AMZ1: variants seen among roughly 807,000 people sequenced by gnomAD.
The protein encoded by AMZ1 is archaemetzincin-1.
Under a neutral mutation model 29.9 loss-of-function variants are expected in AMZ1, and 39 were observed. The ratio of observed to expected loss-of-function variants is 1.30; its 90% CI spans 1.01 to 1.70. The LOEUF is 1.70. AMZ1 is among the 40% of genes most tolerant of loss of function. AMZ1 has a pLI of 0.00. For missense variants in AMZ1, 1,041 were observed against 680.6 expected (o/e 1.53, Z -5.89); for synonymous variants, 458 against 304.0 (o/e 1.51, Z -5.27).
At chr7:2,721,498 C>T (rs190600069), downstream of AMZ1, among the ~76,000 whole-genome samples, 32 of 152,164 alleles carry the variant, frequency 2.1e-4, no homozygotes, top group Non-Finnish European at 2.1e-4. Context: ...GGGTGGATCA[C>T]GAGGTCAGGA....
At position 2,717,253 on chromosome 7, in the gene AMZ1, A is replaced by C. The variant is rs1339667643; in HGVS notation, c.*4375A>C. On this transcript the variant is annotated 3_prime_UTR_variant, in exon 7 of 7. Coordinates refer to ENST00000683327, the MANE Select transcript of AMZ1 (RefSeq NM_001384743.1). The stretch of plus-strand genomic sequence containing the variant: ...TTTATAAAAGGAGGGCGAGGCCTGC[A>C]CAGGAATATTTTTATCCCCGTGAAG... Among the ~76,000 whole-genome samples, 1 of 152,272 alleles carries C rather than the reference A, an allele frequency of 6.6e-6. No individual in the cohort carries two copies. The highest frequency in any genetic ancestry group is 2.4e-5 in the African/African-American group (1 of 41,478).
At chr7:2,762,479 G>A, upstream of AMZ1, 1 of 693,998 alleles carries the variant, frequency 1.4e-6, no homozygotes, top group Non-Finnish European at 2.3e-6. Flanking sequence ...ACCCACCCGT[G>A]TGCGGGGCCT....
At chr7:2,721,959 G>C (rs1039201272), downstream of AMZ1, among the ~76,000 whole-genome samples, 7 of 152,202 alleles carry the variant, frequency 4.6e-5, no homozygotes, top group African/African-American at 1.7e-4. Context: ...ACCAAGTCCG[G>C]TCACGGCATG....
At chr7:2,701,285 G>A (rs1788038796) in intron 2 of AMZ1, among the ~76,000 whole-genome samples, 1 of 152,244 alleles carries the variant, frequency 6.6e-6, no homozygotes, top group Admixed American at 6.5e-5. Flanking sequence ...AGCCCATTTC[G>A]CCGGCAAGGA....
intron 6 of AMZ1, among the ~76,000 whole-genome samples, chr7:2,711,502 A>G (rs1316787584): frequency 2.0e-5 from 3 of 152,232 alleles, no homozygotes; most frequent in Admixed American, 6.5e-5. Flanking sequence ...CCCTGTACAG[A>G]TGCAGGAGAG....
chr7:2,694,884 G>A (rs1174410692), intron 1 of AMZ1, among the ~76,000 whole-genome samples: 14 of 152,116 alleles, frequency 9.2e-5, no homozygotes, highest in Non-Finnish European at 1.8e-4. Flanking sequence ...TGTTGGCCAG[G>A]CTGGTCTCGA....
At chr7:2,722,193 TACC>T (rs1329499102), downstream of AMZ1, among the ~76,000 whole-genome samples, 4 of 152,228 alleles carry the variant, frequency 2.6e-5, no homozygotes, top group East Asian at 7.7e-4. Context: ...GTGCCAAGCT[TACC>T]ACACTGAATT....
downstream of AMZ1, among the ~76,000 whole-genome samples, chr7:2,720,102 C>T (rs565424732): frequency 6.6e-6 from 1 of 152,202 alleles, no homozygotes; most frequent in Non-Finnish European, 1.5e-5. Context: ...GGCAAGGAGC[C>T]GACGGGAACC....
intron 4 of AMZ1, among the ~76,000 whole-genome samples, chr7:2,738,468 C>T (rs80309273): frequency 0.022 from 3,273 of 152,212 alleles, 145 homozygotes; most frequent in African/African-American, 0.075. Context: ...GTTTCCGATA[C>T]CCACTGCCAA....
At chr7:2,758,431 T>C (rs556594233) in intron 4 of AMZ1, among the ~76,000 whole-genome samples, 1 of 152,308 alleles carries the variant, frequency 6.6e-6, no homozygotes, top group South Asian at 2.1e-4. Flanking sequence ...GTTTCATGTG[T>C]TCTGTGCTGT....
chr7:2,700,901 G>C, intron 2 of AMZ1, 146 bp downstream of exon 2: 1 of 1,179,060 alleles, frequency 8.5e-7, no homozygotes, highest in South Asian at 1.6e-5. Context: ...GTGGAGGCAG[G>C]GAGGTCCTGG....
chr7:2,685,414 C>T (rs371242684), upstream of AMZ1, among the ~76,000 whole-genome samples: 164 of 151,272 alleles, frequency 1.1e-3, no homozygotes, highest in African/African-American at 3.8e-3. Context: ...AAAAATTAGC[C>T]GGGCGAGGTG....
intron 4 of AMZ1, among the ~76,000 whole-genome samples, chr7:2,739,456 T>A (rs976817367): frequency 1.4e-4 from 21 of 151,944 alleles, no homozygotes; most frequent in Admixed American, 3.9e-4. Context: ...CACAGGCCAG[T>A]GCAACATTCC....
upstream of AMZ1, among the ~76,000 whole-genome samples, chr7:2,683,842 A>G (rs1467481290): frequency 6.6e-6 from 1 of 151,998 alleles, no homozygotes; most frequent in Non-Finnish European, 1.5e-5. Context: ...GTTGGAGATT[A>G]CAGGCGTGAG....
intron 1 of AMZ1, among the ~76,000 whole-genome samples, chr7:2,689,420 C>T (rs750705755): frequency 1.1e-4 from 17 of 151,466 alleles, no homozygotes; most frequent in Non-Finnish European, 1.8e-4. Flanking sequence ...CAAAAAAAGG[C>T]AAGGGGAGGA....
At position 2,709,731 on chromosome 7, in the gene AMZ1, C is replaced by G. The variant is rs142965094; in HGVS notation, c.863C>G (p.Ala288Gly). 40 of 1,611,296 alleles carry G rather than the reference C, an allele frequency of 2.5e-5. No homozygotes were observed. The highest frequency in any genetic ancestry group is 3.2e-5 in the Non-Finnish European group (38 of 1,179,870). Reference sequence around the variant, plus strand: ...CAGGGTGCGCTCAGCCTGGACGAGGCCCTGCGGCGGCCCCTGGACCTCTGT... The same window carrying G: ...CAGGGTGCGCTCAGCCTGGACGAGGGCCTGCGGCGGCCCCTGGACCTCTGT... ...LMQGALSLDEALRRPLDLCPI... is the reference protein window; with the variant it reads ...LMQGALSLDEGLRRPLDLCPI... The change falls in exon 6 of 7, where the codon GCC becomes GGC. Residue 288 changes from alanine to glycine, a missense_variant. Coordinates refer to ENST00000683327, the MANE Select transcript of AMZ1 (RefSeq NM_001384743.1).
intron 1 of AMZ1, among the ~76,000 whole-genome samples, chr7:2,699,851 G>C (rs552120080): frequency 6.6e-6 from 1 of 152,162 alleles, no homozygotes; most frequent in African/African-American, 2.4e-5. Context: ...GACAGAGTTG[G>C]CTGGTAAGAG....
chr7:2,733,342 G>T, intron 4 of AMZ1: 1 of 839,244 alleles, frequency 1.2e-6, no homozygotes, highest in Non-Finnish European at 2.0e-6. Flanking sequence ...GACAGAACAA[G>T]CTCGGCCTGT....
chr7:2,739,058 C>CAG lies in AMZ1; in HGVS notation n.551-25653_551-25652dup, dbSNP rs1790364426. 4.6e-5 allele frequency among the ~76,000 whole-genome samples: 7 copies of CAG among 152,344 alleles called. No individual in the cohort carries two copies. The South Asian group carries it at 1.2e-3, about 27-fold the overall frequency. ...GGAGCAGCCTCTACAACTGTAAGCT[C>CAG]AGGCTCCGCAGGGTGTGTCCTCGGC... On this transcript the variant is annotated intron_variant and non_coding_transcript_variant, in intron 4 of 4. Transcript: ENST00000489665.
Sources: allele counts gnomAD v4.1 joint callset (sites outside exome capture counted in the v4.1 genomes callset), GRCh38; gene constraint gnomAD v4.1.1; transcripts MANE v1.5; gene names NCBI Gene and HGNC (gene_info 2026-07-23, HGNC 2026-07-21).